FGF12: variants seen among roughly 807,000 people sequenced by gnomAD.
FGF12 encodes fibroblast growth factor 12.
In FGF12, 14 loss-of-function variants were observed where a neutral mutation model predicts 23.6. The observed-to-expected ratio is 0.59, with a 90% confidence interval of 0.39 to 0.93. FGF12 has a LOEUF of 0.93. Among genes scored for constraint, FGF12 ranks in the 40% least tolerant of loss-of-function variants. FGF12 has a pLI of 0.00. For synonymous variants in FGF12, 62 were observed against 77.3 expected, an observed-to-expected ratio of 0.80 and a Z score of 1.04; for missense variants, 175 against 217.8, an observed-to-expected ratio of 0.80 and a Z score of 1.24.
chr3:192,440,433 C>G (rs564877238), intron 2 of FGF12, among the ~76,000 whole-genome samples: 3 of 152,046 alleles, frequency 2.0e-5, no homozygotes, highest in African/African-American at 2.4e-5. Context: ...AGTGATTAGT[C>G]AGATGGGATT....
intron 4 of FGF12, among the ~76,000 whole-genome samples, chr3:192,325,289 AT>A (rs989879611): frequency 2.0e-5 from 3 of 152,066 alleles, no homozygotes; most frequent in African/African-American, 4.8e-5. Context: ...ATACCCCCCA[AT>A]TTTTTTAAAG....
intron 2 of FGF12, among the ~76,000 whole-genome samples, chr3:192,531,235 A>C (rs1372818068): frequency 1.3e-5 from 2 of 152,150 alleles, no homozygotes; most frequent in Non-Finnish European, 2.9e-5. Context: ...TCCACTCCAC[A>C]TTGTAGAGAT....
intron 2 of FGF12, among the ~76,000 whole-genome samples, chr3:192,472,577 TCA>T (rs140266203): frequency 0.021 from 3,233 of 151,928 alleles, 129 homozygotes; most frequent in African/African-American, 0.073. Context: ...CTCCAAAGAC[TCA>T]CAACACCCTG....
Position 192,407,403 on chromosome 3 carries a change from A to T in FGF12, c.14-46865T>A, listed in dbSNP as rs1322051408. Among the ~76,000 whole-genome samples the T allele has an allele frequency of 3.3e-5, 5 of 152,216 alleles. 1 individual carries two copies. Among genetic ancestry groups the T allele is most frequent in the Non-Finnish European group, 5.9e-5 (4 of 68,046 alleles). On this transcript the variant is annotated intron_variant, in intron 2 of 5. Coordinates refer to ENST00000445105, the MANE Select transcript of FGF12 (RefSeq NM_004113.6). The stretch of plus-strand genomic sequence containing the variant: ...AGAGGGGTTGGAAGAAAATAATAGG[A>T]AAATGAAGACTGTGTAAAGGAAGTG...
intron 2 of FGF12, among the ~76,000 whole-genome samples, chr3:192,509,056 T>C (rs1427863410): frequency 6.6e-6 from 1 of 151,850 alleles, no homozygotes; most frequent in Non-Finnish European, 1.5e-5. Flanking sequence ...CAATCAATCC[T>C]GAAGGGTTTT....
At chr3:192,670,850 GA>G (rs1167497618) in intron 2 of FGF12, among the ~76,000 whole-genome samples, 4 of 152,204 alleles carry the variant, frequency 2.6e-5, no homozygotes, top group Non-Finnish European at 5.9e-5. Context: ...GAGACTCAAG[GA>G]AAGGCTTCAT....
intron 4 of FGF12, among the ~76,000 whole-genome samples, chr3:192,261,368 G>A (rs1051695763): frequency 1.3e-5 from 2 of 152,124 alleles, no homozygotes; most frequent in Non-Finnish European, 2.9e-5. Context: ...AGCTAACACA[G>A]CATCTAGGTA....
At chr3:192,474,979 A>G (rs927038593) in intron 2 of FGF12, among the ~76,000 whole-genome samples, 5 of 152,000 alleles carry the variant, frequency 3.3e-5, no homozygotes, top group African/African-American at 1.2e-4. Flanking sequence ...TGGGCTCTTG[A>G]GTCTTTTGCC....
chr3:192,448,673 T>C (rs990562376), intron 2 of FGF12, among the ~76,000 whole-genome samples: 3 of 152,182 alleles, frequency 2.0e-5, no homozygotes, highest in Non-Finnish European at 4.4e-5. Context: ...TTCTGTATGG[T>C]CTTAGAAAAC....
At chr3:192,279,599 G>A (rs1286198408) in intron 4 of FGF12, among the ~76,000 whole-genome samples, 1 of 152,138 alleles carries the variant, frequency 6.6e-6, no homozygotes, top group Non-Finnish European at 1.5e-5. Context: ...TATCCAGGAG[G>A]CACATGATAT....
chr3:192,514,862 G>C lies in FGF12; in HGVS notation c.14-154324C>G. ...AAGCCGGGTCCCGAGTCCATCGCGC[G>C]CGCCCAGGTGGAGGGGAGTTTGCAC... is the stretch of plus-strand genomic sequence containing the variant. On this transcript the variant is annotated intron_variant, in intron 2 of 5. Coordinates refer to ENST00000445105, the MANE Select transcript of FGF12 (RefSeq NM_004113.6). The surrounding 1 kb of genome is among the most constrained non-coding windows in gnomAD (Gnocchi z 4.9). 5.1e-6 allele frequency: 5 copies of C among 985,372 alleles called. No homozygotes were observed. The highest frequency in any genetic ancestry group is 6.0e-6 in the Non-Finnish European group (5 of 829,910). 61.0% of individuals were successfully genotyped at this position (985,372 alleles called of 1,614,324 possible).
chr3:192,363,078 G>C (rs527975347), intron 2 of FGF12, among the ~76,000 whole-genome samples: 1 of 150,938 alleles, frequency 6.6e-6, no homozygotes, highest in Admixed American at 6.6e-5. Flanking sequence ...ATCACACACC[G>C]GGGCCTGTTG....
chr3:192,366,497 T>C (rs1288707959), intron 2 of FGF12, among the ~76,000 whole-genome samples: 1 of 152,198 alleles, frequency 6.6e-6, no homozygotes, highest in East Asian at 1.9e-4. Context: ...GCAGGCACAC[T>C]TCTGATACTT....
Position 192,590,632 on chromosome 3 carries a change from TG to T in FGF12, c.13+136548del, listed in dbSNP as rs571243674. On this transcript the variant is annotated intron_variant, in intron 2 of 5. Coordinates refer to ENST00000445105, the MANE Select transcript of FGF12 (RefSeq NM_004113.6). ...TTTCTACATCCATCTTTAAAACGAA[TG>T]ACTTCCTTTTGCTTCAAGGCCAAAG... Among the ~76,000 whole-genome samples the T allele has an allele frequency of 1.4e-4, 21 of 152,060 alleles. 1 individual carries two copies. The East Asian group carries it at 3.7e-3, about 27-fold the overall frequency.
intron 4 of FGF12, among the ~76,000 whole-genome samples, chr3:192,211,578 A>C (rs1177733751): frequency 1.3e-5 from 2 of 151,922 alleles, no homozygotes; most frequent in African/African-American, 4.8e-5. Context: ...GGTGCCCCCC[A>C]CCACGCCTAG....
At chr3:192,580,319 A>ATTT (rs35909508) in intron 2 of FGF12, among the ~76,000 whole-genome samples, 1 of 146,734 alleles carries the variant, frequency 6.8e-6, no homozygotes, top group Non-Finnish European at 1.5e-5. Context: ...CAACATTTCT[A>ATTT]TTTTTTTTTT....
intron 2 of FGF12, among the ~76,000 whole-genome samples, chr3:192,456,577 C>G (rs1201687475): frequency 6.6e-6 from 1 of 151,908 alleles, no homozygotes; most frequent in Non-Finnish European, 1.5e-5. Flanking sequence ...TCATTTACCC[C>G]ATAAATGTAT....
chr3:192,282,255 C>G (rs778563969), intron 4 of FGF12, among the ~76,000 whole-genome samples: 124 of 152,102 alleles, frequency 8.2e-4, no homozygotes, highest in Non-Finnish European at 1.6e-3. Flanking sequence ...AGGTACTCAA[C>G]ACAACACATA....
chr3:192,240,497 A>T (rs888678266), intron 4 of FGF12, among the ~76,000 whole-genome samples: 1 of 152,212 alleles, frequency 6.6e-6, no homozygotes, highest in African/African-American at 2.4e-5. Flanking sequence ...ATGTAAACTT[A>T]GCTGTTATAT....
Sources: allele counts gnomAD v4.1 joint callset (sites outside exome capture counted in the v4.1 genomes callset), GRCh38; gene constraint gnomAD v4.1.1; non-coding constraint Gnocchi (gnomAD v3.1); transcripts MANE v1.5; gene names NCBI Gene and HGNC (gene_info 2026-07-23, HGNC 2026-07-21).